The following DNAH17 variants were observed in gnomAD, a reference collection of about 807,000 sequenced individuals.
DNAH17 encodes the protein dynein axonemal heavy chain 17, also known as axonemal beta dynein heavy chain 17.
DNAH17 carries 376 observed loss-of-function variants against 485.6 expected under a neutral mutation model. The ratio of observed to expected loss-of-function variants is 0.77; its 90% CI spans 0.71 to 0.84. The LOEUF (loss-of-function observed/expected upper bound fraction) is 0.84. DNAH17 is among the 40% of genes least tolerant of loss of function. DNAH17 has a pLI of 0.00. For missense variants in DNAH17, 6,370 were observed against 5,839.3 expected, an observed-to-expected ratio of 1.09 and a Z score of -2.96; for synonymous variants, 3,031 against 2,405.9, an observed-to-expected ratio of 1.26 and a Z score of -7.60.
intron 54 of DNAH17, among the ~76,000 whole-genome samples, chr17:78,469,354 G>A (rs570909220): frequency 2.0e-5 from 3 of 152,272 alleles, no homozygotes; most frequent in African/African-American, 7.2e-5. Flanking sequence ...TGTTAGCCAG[G>A]AGGGCCTCGA....
intron 37 of DNAH17, 42 bp downstream of exon 37, chr17:78,498,966 G>A: frequency 6.7e-7 from 1 of 1,484,564 alleles, no homozygotes; most frequent in Non-Finnish European, 9.1e-7. Flanking sequence ...TGACGAGCCA[G>A]TCACCCGACG....
At position 78,560,775 on chromosome 17, in the gene DNAH17, C is replaced by A. The variant is rs772741267; in HGVS notation, c.1996G>T (p.Ala666Ser). The change falls in exon 13 of 81, where the codon GCT becomes TCT. Residue 666 changes from alanine (A) to serine (S), a missense_variant. Coordinates refer to ENST00000389840, the MANE Select transcript of DNAH17 (RefSeq NM_173628.4). ...LGQPLILRDAASNLIHVNFSK... is the reference protein window; with the variant it reads ...LGQPLILRDASSNLIHVNFSK... ...AAGTTGACGTGGATGAGGTTGCTAG[C>A]GGCGTCCCGCAGAATCAGCGGCTGC... is the stretch of plus-strand genomic sequence containing the variant. 1.9e-6 allele frequency: 3 copies of A among 1,552,216 alleles called. No homozygotes were observed. In the South Asian group the frequency reaches 3.6e-5, roughly 18 times the overall value.
rs368514500 is a variant in DNAH17, at chr17:78,560,861, C to A, written c.1910G>T (p.Arg637Leu). The A allele has an allele frequency of 1.9e-6, 3 of 1,551,796 alleles. No individual in the cohort carries two copies. The highest frequency in any genetic ancestry group is 2.6e-6 in the Non-Finnish European group (3 of 1,147,112). ...DEMMELLRCH[R>L]EKIYQQWVAG... Reference sequence around the variant, plus strand: ...CACCCACTGCTGGTAGATCTTCTCGCGGTGGCACCTCAGCAGCTCCATCAT... The same window carrying A: ...CACCCACTGCTGGTAGATCTTCTCGAGGTGGCACCTCAGCAGCTCCATCAT... The change falls in exon 13 of 81, where the codon CGC (arginine) becomes CTC (leucine). Residue 637 changes from arginine (R) to leucine (L), a missense_variant. By Grantham distance (102) the Arg-to-Leu change is moderately radical. Coordinates refer to ENST00000389840, the MANE Select transcript of DNAH17 (RefSeq NM_173628.4).
chr17:78,574,227 C>T (rs575979129), intron 2 of DNAH17, among the ~76,000 whole-genome samples: 20 of 152,272 alleles, frequency 1.3e-4, no homozygotes, highest in Admixed American at 2.6e-4. Context: ...TGATGGCTCA[C>T]GCCTATAATC....
intron 17 of DNAH17, among the ~76,000 whole-genome samples, chr17:78,543,051 G>A (rs373890734): frequency 2.0e-4 from 31 of 152,350 alleles, no homozygotes; most frequent in African/African-American, 7.2e-4. Flanking sequence ...AACCAGGCTT[G>A]GAAGTGTACA....
intron 37 of DNAH17, among the ~76,000 whole-genome samples, chr17:78,497,317 T>C (rs922599416): frequency 2.0e-5 from 3 of 152,116 alleles, no homozygotes; most frequent in Admixed American, 2.0e-4. Context: ...TCCCAGCACC[T>C]GCCTTTCCCT....
At chr17:78,560,694 C>A in intron 13 of DNAH17, 46 bp downstream of exon 13, 2 of 1,500,242 alleles carry the variant, frequency 1.3e-6, no homozygotes, top group Non-Finnish European at 1.8e-6. Context: ...GGCCCTCCCC[C>A]CGCTCCCAAG....
chr17:78,539,874 C>G lies in DNAH17; in HGVS notation c.2539G>C (p.Ala847Pro). 6.4e-7 allele frequency: 1 copy of G among 1,573,570 alleles called. No homozygotes were observed. The highest frequency in any genetic ancestry group is 1.4e-5 in the African/African-American group (1 of 73,040). The change falls in exon 18 of 81, where the codon GCA becomes CCA. Residue 847 changes from alanine (A) to proline (P), a missense_variant. By Grantham distance (27) the Ala-to-Pro change is conservative. Coordinates refer to ENST00000389840, the MANE Select transcript of DNAH17 (RefSeq NM_173628.4). ...VKIQAMVAEN[A>P]ELFRADTLSL... The stretch of plus-strand genomic sequence containing the variant: ...AGTGTGTCTGCCCTGAATAGTTCTG[C>G]GTTTTCCTGCAAACAGAAGCGCACA...
chr17:78,503,944 C>A (rs373244270), intron 31 of DNAH17, among the ~76,000 whole-genome samples: 5 of 150,646 alleles, frequency 3.3e-5, no homozygotes, highest in Non-Finnish European at 7.4e-5. Context: ...CCAGCCTGGG[C>A]GACAAGAGTG....
At chr17:78,535,655 T>C (rs1431538600) in intron 19 of DNAH17, among the ~76,000 whole-genome samples, 2 of 152,212 alleles carry the variant, frequency 1.3e-5, no homozygotes, top group Admixed American at 6.5e-5. Flanking sequence ...CAGAAATGCA[T>C]GAGAGGAAAC....
rs1033541612 is a variant in DNAH17, at chr17:78,532,589, T to C, written c.3007A>G (p.Lys1003Glu). 2.5e-6 allele frequency: 4 copies of C among 1,608,926 alleles called. No individual in the cohort carries two copies. Among genetic ancestry groups the C allele is most frequent in the Non-Finnish European group, 3.4e-6 (4 of 1,177,564 alleles). Residue 1003 changes from lysine (K) to glutamate (E), a missense_variant, in exon 20 of 81, where the codon AAG becomes GAG. Coordinates refer to ENST00000389840, the MANE Select transcript of DNAH17 (RefSeq NM_173628.4). ...LWTDNLQEFM[K>E]NFLIYGCAVT... ...GCACACCCATATATCAGGAAATTCTTCATAAACTCCTGCAGGTTGTCCGTC... is the reference window on the plus strand; with the variant it reads ...GCACACCCATATATCAGGAAATTCTCCATAAACTCCTGCAGGTTGTCCGTC...
chr17:78,514,986 A>G lies in DNAH17; in HGVS notation c.3901T>C (p.Trp1301Arg), dbSNP rs767509257. The change falls in exon 26 of 81, where the codon TGG (tryptophan) becomes CGG (arginine). Residue 1301 changes from tryptophan to arginine, a missense_variant. Trp to Arg is a moderately radical substitution (Grantham distance 101). Coordinates refer to ENST00000389840, the MANE Select transcript of DNAH17 (RefSeq NM_173628.4). ...TSIEDWKTTKWKDINVEQMDI... is the reference protein window; with the variant it reads ...TSIEDWKTTKRKDINVEQMDI... ...ATCTGCTCAACGTTGATATCTTTCC[A>G]CTTGGTGGTCTTCCAGTCCTCGATG... The G allele has an allele frequency of 6.2e-7, 1 of 1,613,872 alleles. No individual in the cohort carries two copies. The highest frequency in any genetic ancestry group is 8.5e-7 in the Non-Finnish European group (1 of 1,179,852).
intron 63 of DNAH17, among the ~76,000 whole-genome samples, chr17:78,455,300 C>T (rs2087742003): frequency 6.6e-6 from 1 of 151,754 alleles, no homozygotes; most frequent in Admixed American, 6.6e-5. Flanking sequence ...TGGGACCTCC[C>T]CACATTTCCC....
chr17:78,455,885 C>T, intron 62 of DNAH17, 49 bp from the exon 63 acceptor site: 1 of 1,463,084 alleles, frequency 6.8e-7, no homozygotes, highest in Non-Finnish European at 9.1e-7. Flanking sequence ...AGTGAGGGGA[C>T]TGGACCAGAC....
rs1051232934 is a variant in DNAH17 at position 78,462,830 on chromosome 17, C to T, written c.9174+14G>A. 3 of 1,613,278 alleles carry T rather than the reference C, an allele frequency of 1.9e-6. No homozygotes were observed. Among genetic ancestry groups the T allele is most frequent in the Non-Finnish European group, 1.7e-6 (2 of 1,179,558 alleles). On this transcript the variant is annotated intron_variant, in intron 57 of 80. Transcript: ENST00000389840. ...GAACGGCACAGGAGCTGGCAGCCAG[C>T]CCCCCTCTCCTACCTGGGAAGCCGT...
At chr17:78,568,838 G>A (rs78504685) in intron 9 of DNAH17, among the ~76,000 whole-genome samples, 4,903 of 152,276 alleles carry the variant, frequency 0.032, 141 homozygotes, top group African/African-American at 0.077. Flanking sequence ...GTCTCCATTT[G>A]TAATAATTGA....
At chr17:78,495,202 G>A (rs879453390) in intron 38 of DNAH17, 105 bp from the exon 39 acceptor site, 4 of 1,379,756 alleles carry the variant, frequency 2.9e-6, no homozygotes, top group Non-Finnish European at 3.9e-6. Context: ...CTGCCAGGTA[G>A]ACCACAGCAG....
At chr17:78,514,334 G>A (rs113330227) in intron 26 of DNAH17, among the ~76,000 whole-genome samples, 5,913 of 151,890 alleles carry the variant, frequency 0.039, 183 homozygotes, top group Non-Finnish European at 0.057. Flanking sequence ...GTGAAACCCC[G>A]TCTGTACTAA....
chr17:78,502,919 C>T lies in DNAH17; in HGVS notation c.5049G>A (p.Pro1683=), dbSNP rs372678668. 8.1e-5 allele frequency: 131 copies of T among 1,614,000 alleles called. No homozygotes were observed. The highest frequency in any genetic ancestry group is 7.7e-4 in the African/African-American group (58 of 75,052). The change falls in exon 32 of 81, where the codon CCG becomes CCA. Residue 1683 remains proline (P), a synonymous_variant. Transcript: ENST00000389840. ...PEAVVTYEEK[P]REQWILDYPA... ...GGTAGTCCAGGATCCACTGCTCCCT[C>T]GGCTTCTCTTCGTAGGTCACCACGG...
Sources: gnomAD v4.1 joint callset for allele counts (sites outside exome capture counted in the v4.1 genomes callset) on GRCh38, gnomAD v4.1.1 for gene constraint, MANE v1.5 for transcripts, NCBI Gene and HGNC (gene_info 2026-07-23, HGNC 2026-07-21) for gene names.